Variants in C12orf42 observed in about 807,000 individuals in gnomAD.
C12orf42 encodes chromosome 12 open reading frame 42.
Under a neutral mutation model 21.6 loss-of-function variants are expected in C12orf42, and 25 were observed. That is an observed-to-expected ratio of 1.16 (90% CI 0.84 to 1.62). C12orf42 has a LOEUF of 1.62. Among genes scored for constraint, C12orf42 ranks in the 40% most tolerant of loss-of-function variants. C12orf42 has a pLI of 0.00. For missense variants in C12orf42, 483 were observed against 459.3 expected (o/e 1.05, Z -0.47); for synonymous variants, 174 against 175.0 (o/e 0.99, Z 0.05).
At chr12:103,212,136 CAT>C in the C12orf42 span, among the ~76,000 whole-genome samples, 1 of 151,932 alleles carries the variant, frequency 6.6e-6, no homozygotes, top group South Asian at 2.1e-4. Flanking sequence ...CAAAGATAAC[CAT>C]GTGTTACCTT....
chr12:103,101,105 C>T, the C12orf42 span, among the ~76,000 whole-genome samples: 2 of 152,118 alleles, frequency 1.3e-5, no homozygotes, highest in East Asian at 3.9e-4. Flanking sequence ...TGGGATAATC[C>T]TAATACCAAC....
chr12:103,357,096 A>T (rs932071091), intron 4 of C12orf42, among the ~76,000 whole-genome samples: 15 of 137,846 alleles, frequency 1.1e-4, no homozygotes, highest in African/African-American at 3.3e-4. Flanking sequence ...GAATTGAACA[A>T]TGAGAACACA....
At chr12:103,529,003 G>A in the C12orf42 span, among the ~76,000 whole-genome samples, 1 of 152,062 alleles carries the variant, frequency 6.6e-6, no homozygotes, top group Non-Finnish European at 1.5e-5. Flanking sequence ...CTGAACCCAT[G>A]TTGTTTCTAC....
the C12orf42 span, among the ~76,000 whole-genome samples, chr12:103,096,690 A>G: frequency 6.6e-6 from 1 of 152,218 alleles, no homozygotes; most frequent in Non-Finnish European, 1.5e-5. Context: ...TAGATTTGAA[A>G]GAGTTCTTTC....
chr12:103,370,200 G>A (rs2045068143), intron 3 of C12orf42, among the ~76,000 whole-genome samples: 1 of 152,108 alleles, frequency 6.6e-6, no homozygotes, highest in African/African-American at 2.4e-5. Flanking sequence ...GCACCAGTTA[G>A]AATGGCTATT....
the C12orf42 span, among the ~76,000 whole-genome samples, chr12:103,529,182 T>C: frequency 1.3e-5 from 2 of 152,208 alleles, no homozygotes; most frequent in African/African-American, 4.8e-5. Flanking sequence ...CGGCATCTGG[T>C]GTCAAATCAT....
the C12orf42 span, chr12:103,164,641 G>GT: frequency 2.3e-6 from 1 of 436,626 alleles, no homozygotes; most frequent in Non-Finnish European, 4.6e-6. Context: ...ATATTTTTAA[G>GT]TTTGCATTGT....
chr12:103,443,494 G>A (rs961066268), intron 2 of C12orf42, among the ~76,000 whole-genome samples: 2 of 152,052 alleles, frequency 1.3e-5, no homozygotes, highest in Non-Finnish European at 2.9e-5. Context: ...ACTCCCCATT[G>A]GAGACTATTG....
intron 5 of C12orf42, among the ~76,000 whole-genome samples, chr12:103,305,169 T>C (rs758908897): frequency 1.9e-4 from 29 of 152,218 alleles, no homozygotes; most frequent in Admixed American, 6.5e-4. Flanking sequence ...TATAAAGCCA[T>C]AGACCATGAG....
downstream of C12orf42, among the ~76,000 whole-genome samples, chr12:103,297,195 C>T (rs960690099): frequency 4.6e-5 from 7 of 152,070 alleles, no homozygotes; most frequent in African/African-American, 1.7e-4. Flanking sequence ...TTTCTGAGGG[C>T]TCTGTTCTGT....
At chr12:103,073,823 C>A in the C12orf42 span, among the ~76,000 whole-genome samples, 2 of 152,150 alleles carry the variant, frequency 1.3e-5, no homozygotes, top group Admixed American at 1.3e-4. Context: ...GGGATAAGGA[C>A]ATCAGAGTGT....
At chr12:103,329,050 G>A (rs189064978) in intron 4 of C12orf42, among the ~76,000 whole-genome samples, 16 of 152,182 alleles carry the variant, frequency 1.1e-4, no homozygotes, top group Non-Finnish European at 1.5e-4. Context: ...AGTGATAAGC[G>A]CAGGGATGCA....
intron 3 of C12orf42, among the ~76,000 whole-genome samples, chr12:103,372,788 A>G (rs1175025070): frequency 6.6e-6 from 1 of 152,168 alleles, no homozygotes; most frequent in Non-Finnish European, 1.5e-5. Flanking sequence ...CGTCTTCTTC[A>G]TATTGGTCAG....
chr12:103,127,543 G>A, the C12orf42 span, among the ~76,000 whole-genome samples: 1 of 152,144 alleles, frequency 6.6e-6, no homozygotes, highest in Admixed American at 6.6e-5. Context: ...ATACATGAGA[G>A]AGAAAGAGGG....
chr12:103,229,099 C>T, the C12orf42 span, among the ~76,000 whole-genome samples: 1 of 152,184 alleles, frequency 6.6e-6, no homozygotes, highest in Admixed American at 6.5e-5. Flanking sequence ...GTTCTCATCA[C>T]TTCAAGCAGA....
At chr12:103,325,850 C>T (rs555958726) in intron 4 of C12orf42, among the ~76,000 whole-genome samples, 2 of 152,168 alleles carry the variant, frequency 1.3e-5, no homozygotes, top group Admixed American at 1.3e-4. Flanking sequence ...CTTCCTATGA[C>T]AACTTAAAGC....
At chr12:103,338,804 T>A (rs2041936986) in intron 4 of C12orf42, among the ~76,000 whole-genome samples, 1 of 152,078 alleles carries the variant, frequency 6.6e-6, no homozygotes, top group South Asian at 2.1e-4. Flanking sequence ...AGGGGTGGGA[T>A]GTAGTCCAGC....
intron 4 of C12orf42, among the ~76,000 whole-genome samples, chr12:103,335,538 A>T (rs1045467723): frequency 1.3e-5 from 2 of 152,228 alleles, no homozygotes; most frequent in Non-Finnish European, 1.5e-5. Context: ...GTTTTCTGGA[A>T]TCAGGCAACA....
At chr12:103,251,878 T>A (rs1278899985) in intron 10 of C12orf42, among the ~76,000 whole-genome samples, 1 of 152,196 alleles carries the variant, frequency 6.6e-6, no homozygotes, top group Non-Finnish European at 1.5e-5. Flanking sequence ...AAAATATAAA[T>A]TTTCTTAACA....
Sources: allele counts gnomAD v4.1 joint callset (sites outside exome capture counted in the v4.1 genomes callset), GRCh38; gene constraint gnomAD v4.1.1; transcripts MANE v1.5; gene names NCBI Gene and HGNC (gene_info 2026-07-23, HGNC 2026-07-21).